The following SYT10 variants were observed in gnomAD, a reference collection of about 807,000 sequenced individuals.
The protein encoded by SYT10 is synaptotagmin-10.
A neutral mutation model predicts 51.1 loss-of-function variants in SYT10; 31 were observed. That is an observed-to-expected ratio of 0.61 (90% CI 0.46 to 0.82). SYT10 has a LOEUF of 0.82. Ranked by LOEUF, SYT10 falls within the 40% of genes least tolerant of loss-of-function variation. The pLI, the probability that SYT10 is intolerant of heterozygous loss-of-function variation, is 0.00. For synonymous variants in SYT10, 233 were observed against 225.9 expected (o/e 1.03, Z -0.28); for missense variants, 603 against 634.0 (o/e 0.95, Z 0.53).
chr12:33,416,905 G>A (rs765028163), intron 2 of SYT10, among the ~76,000 whole-genome samples: 30 of 152,134 alleles, frequency 2.0e-4, no homozygotes, highest in Non-Finnish European at 3.5e-4. Context: ...GGAGGGATTC[G>A]TTATAGATAG....
At chr12:33,430,347 C>A (rs932279175) in intron 1 of SYT10, among the ~76,000 whole-genome samples, 2 of 152,096 alleles carry the variant, frequency 1.3e-5, no homozygotes, top group African/African-American at 4.8e-5. Context: ...TTCTAAAATG[C>A]GAATTCGTCA....
rs774281724 is a variant in SYT10, at chr12:33,439,425, T to C, written c.98A>G (p.Lys33Arg). ...LCFAGQVEWE[K>R]CSGIFPRDRG... ...GTCCCGAGGGAAGATGCCCGAGCACTTCTCCCACTCCACCTGGCCGGCGAA... is the reference window on the plus strand; with the variant it reads ...GTCCCGAGGGAAGATGCCCGAGCACCTCTCCCACTCCACCTGGCCGGCGAA... The change falls in exon 1 of 7, where the codon AAG (lysine) becomes AGG (arginine). Residue 33 changes from lysine to arginine, a missense_variant. Transcript: ENST00000228567. 2.5e-6 allele frequency: 4 copies of C among 1,614,040 alleles called. No homozygotes were observed. Among genetic ancestry groups the C allele is most frequent in the Admixed American group, 1.7e-5 (1 of 60,006 alleles).
In SYT10 at chr12:33,382,433, A is replaced by G. The variant is rs377514175; in HGVS notation, c.1286T>C (p.Val429Ala). The part of the protein sequence containing the change: ...TTTKKNTLNP[V>A]YNEAIIFDIP... The stretch of plus-strand genomic sequence containing the variant: ...GTCAAAAATAATGGCCTCATTGTAC[A>G]CAGGGTTTAGAGTGTTTTTCTTTGT... Residue 429 changes from valine to alanine, a missense_variant, in exon 5 of 7, where the codon GTG (valine) becomes GCG (alanine). Val to Ala is a moderately conservative substitution (Grantham distance 64). Coordinates refer to ENST00000228567, the MANE Select transcript of SYT10 (RefSeq NM_198992.4). 2 of 1,613,586 alleles carry G rather than the reference A, an allele frequency of 1.2e-6. No individual in the cohort carries two copies. Among genetic ancestry groups the G allele is most frequent in the Non-Finnish European group, 1.7e-6 (2 of 1,179,702 alleles).
Position 33,375,607 on chromosome 12 carries a change from T to C in SYT10, c.*1223A>G, listed in dbSNP as rs1264415867. The C allele has an allele frequency of 1.3e-5, 2 of 152,106 alleles. No homozygotes were observed. Among genetic ancestry groups the C allele is most frequent in the African/African-American group, 2.4e-5 (1 of 41,452 alleles). 9.4% of individuals were successfully genotyped at this position (152,106 alleles called of 1,614,324 possible). A position where few individuals can be genotyped will look rare whatever the true frequency, so the allele number is the denominator to read the frequency against. ...TAAAAACACTTGCATAGTTTTTACA[T>C]GTAGTGGCCTGAACCTTGATCCTTA... On this transcript the variant is annotated 3_prime_UTR_variant, in exon 7 of 7. Coordinates refer to ENST00000228567, the MANE Select transcript of SYT10 (RefSeq NM_198992.4).
chr12:33,416,899 G>A (rs1591993600), intron 2 of SYT10, among the ~76,000 whole-genome samples: 1 of 152,142 alleles, frequency 6.6e-6, no homozygotes, highest in African/African-American at 2.4e-5. Flanking sequence ...GAAAGTGGAG[G>A]GATTCGTTAT....
chr12:33,392,048 A>G (rs1866212489), intron 3 of SYT10, among the ~76,000 whole-genome samples: 2 of 152,222 alleles, frequency 1.3e-5, no homozygotes. Flanking sequence ...ACCAGTCATA[A>G]TAGTTTTGAG....
At chr12:33,402,723 A>G (rs1470889689) in intron 3 of SYT10, among the ~76,000 whole-genome samples, 1 of 152,176 alleles carries the variant, frequency 6.6e-6, no homozygotes, top group Non-Finnish European at 1.5e-5. Flanking sequence ...TGTTCTAGGA[A>G]GATTTTTTTG....
At chr12:33,395,345 A>G (rs914993746) in intron 3 of SYT10, among the ~76,000 whole-genome samples, 1 of 152,232 alleles carries the variant, frequency 6.6e-6, no homozygotes, top group Non-Finnish European at 1.5e-5. Flanking sequence ...TATTCTTGTC[A>G]CTATATGAGT....
chr12:33,392,090 C>G (rs1866212773), intron 3 of SYT10, among the ~76,000 whole-genome samples: 1 of 152,194 alleles, frequency 6.6e-6, no homozygotes, highest in African/African-American at 2.4e-5. Flanking sequence ...GTTTGGAGAG[C>G]TACAGTTAGA....
At chr12:33,392,486 G>C (rs1489409347) in intron 3 of SYT10, among the ~76,000 whole-genome samples, 1 of 152,078 alleles carries the variant, frequency 6.6e-6, no homozygotes, top group Non-Finnish European at 1.5e-5. Context: ...GATTCAATCA[G>C]GTTTCATTGT....
intron 1 of SYT10, among the ~76,000 whole-genome samples, chr12:33,430,570 A>G (rs1212285348): frequency 1.3e-5 from 2 of 152,152 alleles, no homozygotes; most frequent in Non-Finnish European, 2.9e-5. Flanking sequence ...TTGAATTGAT[A>G]TTCTCCTCTG....
intron 3 of SYT10, among the ~76,000 whole-genome samples, chr12:33,406,407 C>T (rs1196387004): frequency 2.0e-5 from 3 of 152,016 alleles, no homozygotes; most frequent in African/African-American, 7.2e-5. Flanking sequence ...AGTCATTATT[C>T]TTAAAGAGTG....
intron 3 of SYT10, among the ~76,000 whole-genome samples, chr12:33,390,347 ACGGG>A (rs1292035906): frequency 6.6e-6 from 1 of 152,180 alleles, no homozygotes; most frequent in African/African-American, 2.4e-5. Context: ...GAAAGGCCAT[ACGGG>A]ATAATAAATG....
intron 2 of SYT10, among the ~76,000 whole-genome samples, chr12:33,424,246 C>T (rs572309249): frequency 4.6e-5 from 7 of 152,208 alleles, no homozygotes; most frequent in African/African-American, 1.4e-4. Context: ...TCATTCTCCT[C>T]TAGCTAGGGA....
At chr12:33,437,128 TACTTCTA>T (rs1313636602) in intron 1 of SYT10, among the ~76,000 whole-genome samples, 3 of 152,226 alleles carry the variant, frequency 2.0e-5, no homozygotes, top group African/African-American at 7.2e-5. Flanking sequence ...TAAAGTATTT[TACTTCTA>T]ACTGTTGCTT....
intron 3 of SYT10, chr12:33,405,461 C>G (rs1866344592): frequency 6.6e-6 from 1 of 151,884 alleles, no homozygotes; most frequent in Admixed American, 6.6e-5. Context: ...GATTATGACA[C>G]AAAAATCCAA....
rs1279737134 is a variant in SYT10 at position 33,385,310 on chromosome 12, T to A, written c.1078-19A>T. 6.2e-7 allele frequency: 1 copy of A among 1,611,318 alleles called. No individual in the cohort carries two copies. Among genetic ancestry groups the A allele is most frequent in the Admixed American group, 1.7e-5 (1 of 59,602 alleles). On this transcript the variant is annotated intron_variant, in intron 3 of 6. Coordinates refer to ENST00000228567, the MANE Select transcript of SYT10 (RefSeq NM_198992.4). The stretch of plus-strand genomic sequence containing the variant: ...TACTTTCCTAGAAAGGCAATCGGCA[T>A]GTTAGCAATTTCAAACATTGAAGGG...
intron 3 of SYT10, among the ~76,000 whole-genome samples, chr12:33,402,735 A>C (rs1866317146): frequency 6.6e-6 from 1 of 152,284 alleles, no homozygotes; most frequent in Admixed American, 6.5e-5. Context: ...ATTTTTTTGG[A>C]TAAGATCTTG....
intron 2 of SYT10, among the ~76,000 whole-genome samples, chr12:33,422,670 TA>T (rs1866515520): frequency 6.6e-6 from 1 of 151,924 alleles, no homozygotes; most frequent in Non-Finnish European, 1.5e-5. Flanking sequence ...ATTTTTCAAA[TA>T]AAATATTTCC....
Sources: allele counts gnomAD v4.1 joint callset (sites outside exome capture counted in the v4.1 genomes callset), GRCh38; gene constraint gnomAD v4.1.1; transcripts MANE v1.5; gene names NCBI Gene and HGNC (gene_info 2026-07-23, HGNC 2026-07-21).